Variants in SLC36A1 observed in about 807,000 individuals in gnomAD.
SLC36A1 encodes proton-coupled amino acid transporter 1.
Under a neutral mutation model 47.5 loss-of-function variants are expected in SLC36A1, and 30 were observed. That is an observed-to-expected ratio of 0.63 (90% CI 0.47 to 0.86). SLC36A1 has a LOEUF of 0.86. Ranked by LOEUF, SLC36A1 falls within the 40% of genes least tolerant of loss-of-function variation. The pLI is 0.00. For synonymous variants in SLC36A1, 255 were observed against 249.7 expected, an observed-to-expected ratio of 1.02 and a Z score of -0.20; for missense variants, 517 against 606.0, an observed-to-expected ratio of 0.85 and a Z score of 1.54.
chr5:151,483,526 TGA>T lies in SLC36A1; in HGVS notation c.1159+4038_1159+4039del, dbSNP rs1759126268. 8.5e-4 allele frequency among the ~76,000 whole-genome samples: 119 copies of T among 140,650 alleles called. 1 individual carries two copies. Among genetic ancestry groups the T allele is most frequent in the Non-Finnish European group, 1.0e-3 (68 of 65,262 alleles). The allele number at this position is 140,650 out of a possible 152,430, so 92.3% of individuals were successfully genotyped here. Reference sequence around the variant, plus strand: ...GGGGTCTTTGTGTGTGTGGGGGGGGTGATTAGGGGAGAGTAGGGAGAGGGCTG... The same window carrying T: ...GGGGTCTTTGTGTGTGTGGGGGGGGTTTAGGGGAGAGTAGGGAGAGGGCTG... On this transcript the variant is annotated intron_variant, in intron 10 of 10. Transcript: ENST00000243389.
At chr5:151,462,681 A>T (rs765417528) in intron 2 of SLC36A1, among the ~76,000 whole-genome samples, 4 of 149,486 alleles carry the variant, frequency 2.7e-5, no homozygotes, top group East Asian at 2.0e-4. Flanking sequence ...TTTTTTTTTT[A>T]AATACTAAAT....
upstream of SLC36A1, among the ~76,000 whole-genome samples, chr5:151,435,214 T>C (rs892220488): frequency 6.6e-6 from 1 of 152,160 alleles, no homozygotes; most frequent in African/African-American, 2.4e-5. Flanking sequence ...GTAAAAGAAA[T>C]TTCAAAAGGA....
chr5:151,470,458 T>A (rs1166499457), intron 7 of SLC36A1, among the ~76,000 whole-genome samples: 1 of 152,224 alleles, frequency 6.6e-6, no homozygotes, highest in Admixed American at 6.5e-5. Flanking sequence ...AATGTCTGCA[T>A]AAGGGCAGCC....
chr5:151,413,633 A>G, the SLC36A1 span, among the ~76,000 whole-genome samples: 1 of 152,120 alleles, frequency 6.6e-6, no homozygotes, highest in Admixed American at 6.5e-5. Context: ...GGAGAAATTT[A>G]TGGAGACCTT....
At chr5:151,554,436 A>G in the SLC36A1 span, 1 of 1,614,200 alleles carries the variant, frequency 6.2e-7, no homozygotes, top group Admixed American at 1.7e-5. Flanking sequence ...TCGATACTGA[A>G]GGCCTCCTCA....
chr5:151,529,492 G>A, the SLC36A1 span: 1 of 926,914 alleles, frequency 1.1e-6, no homozygotes, highest in Non-Finnish European at 1.7e-6. Context: ...AGCTCAACAG[G>A]GCTAGGCAAG....
chr5:151,546,993 A>T, the SLC36A1 span, among the ~76,000 whole-genome samples: 1 of 152,222 alleles, frequency 6.6e-6, no homozygotes, highest in Non-Finnish European at 1.5e-5. Context: ...GCATTCTCAC[A>T]TCACCTTTAT....
the SLC36A1 span, among the ~76,000 whole-genome samples, chr5:151,356,691 C>T: frequency 6.6e-6 from 1 of 152,186 alleles, no homozygotes; most frequent in Non-Finnish European, 1.5e-5. Context: ...CAAAAAATCC[C>T]TCCACATTAA....
the SLC36A1 span, among the ~76,000 whole-genome samples, chr5:151,355,522 C>G: frequency 2.6e-5 from 4 of 152,090 alleles, no homozygotes; most frequent in African/African-American, 9.7e-5. Flanking sequence ...CACGTATACC[C>G]CAGGGTGTTT....
At chr5:151,347,415 T>C in the SLC36A1 span, 1 of 1,614,222 alleles carries the variant, frequency 6.2e-7, no homozygotes, top group South Asian at 1.1e-5. Context: ...TCCAATTTGA[T>C]GGCAACGGCT....
chr5:151,365,969 C>T, the SLC36A1 span, among the ~76,000 whole-genome samples: 1 of 152,132 alleles, frequency 6.6e-6, no homozygotes, highest in Non-Finnish European at 1.5e-5. Flanking sequence ...GGTAGTCCAG[C>T]CTGGTTTGGA....
intron 1 of SLC36A1, among the ~76,000 whole-genome samples, chr5:151,453,128 T>TG (rs1753914391): frequency 7.0e-6 from 1 of 142,516 alleles, no homozygotes; most frequent in Non-Finnish European, 1.5e-5. Context: ...TGCTTGAACC[T>TG]GGGAGGCGGA....
chr5:151,542,746 C>A, the SLC36A1 span: 3 of 1,614,092 alleles, frequency 1.9e-6, no homozygotes, highest in African/African-American at 4.0e-5. Flanking sequence ...AAATACAGGC[C>A]TATTGTCATT....
At chr5:151,385,475 TTA>T in the SLC36A1 span, among the ~76,000 whole-genome samples, 2 of 152,218 alleles carry the variant, frequency 1.3e-5, no homozygotes, top group Non-Finnish European at 2.9e-5. Context: ...TGGAAATGCC[TTA>T]GAGGGCTTCC....
upstream of SLC36A1, among the ~76,000 whole-genome samples, chr5:151,442,721 C>T (rs1391706705): frequency 2.6e-5 from 4 of 152,086 alleles, no homozygotes; most frequent in Admixed American, 6.6e-5. Context: ...CTTATGTTGT[C>T]CCTTTGAGCT....
the SLC36A1 span, among the ~76,000 whole-genome samples, chr5:151,517,918 A>AG: frequency 6.6e-6 from 1 of 152,134 alleles, no homozygotes; most frequent in Non-Finnish European, 1.5e-5. Context: ...GGTGTGCCAT[A>AG]CCTTTCTAGC....
At chr5:151,527,523 G>A in the SLC36A1 span, 1 of 702,854 alleles carries the variant, frequency 1.4e-6, no homozygotes, top group Admixed American at 3.4e-5. Context: ...GCATTTTAGG[G>A]CTTAGGTTCT....
chr5:151,431,718 G>T, the SLC36A1 span, among the ~76,000 whole-genome samples: 1 of 152,104 alleles, frequency 6.6e-6, no homozygotes, highest in African/African-American at 2.4e-5. Flanking sequence ...TTTACCTTCC[G>T]CCATGACTGT....
chr5:151,544,688 C>T, the SLC36A1 span: 1 of 1,614,166 alleles, frequency 6.2e-7, no homozygotes, highest in Admixed American at 1.7e-5. Flanking sequence ...GTTCCTCCAT[C>T]CCGAGCAATG....
Sources: allele counts gnomAD v4.1 joint callset (sites outside exome capture counted in the v4.1 genomes callset), GRCh38; gene constraint gnomAD v4.1.1; transcripts MANE v1.5; gene names NCBI Gene and HGNC (gene_info 2026-07-23, HGNC 2026-07-21).